Variants in RAB40B observed in about 807,000 individuals in gnomAD.
The protein encoded by RAB40B is ras-related protein Rab-40B.
Under a neutral mutation model 24.0 loss-of-function variants are expected in RAB40B, and 21 were observed. That is an observed-to-expected ratio of 0.88 (90% CI 0.62 to 1.26). RAB40B has a LOEUF of 1.26. Among genes scored for constraint, RAB40B ranks in the 50% most tolerant of loss-of-function variants. The pLI is 0.00. For missense variants in RAB40B, 348 were observed against 390.5 expected (o/e 0.89, Z 0.92); for synonymous variants, 167 against 169.8 (o/e 0.98, Z 0.13).
At chr17:82,691,801 G>A (rs955671960) in intron 1 of RAB40B, among the ~76,000 whole-genome samples, 7 of 152,198 alleles carry the variant, frequency 4.6e-5, no homozygotes, top group Non-Finnish European at 7.3e-5. Context: ...GCTGTGCCCC[G>A]ACCATATCCT....
intron 1 of RAB40B, among the ~76,000 whole-genome samples, chr17:82,691,411 C>T (rs116520398): frequency 0.013 from 1,944 of 152,210 alleles, 42 homozygotes; most frequent in African/African-American, 0.044. Context: ...AAAGGCCGGG[C>T]GCGGTGGCTC....
intron 1 of RAB40B, among the ~76,000 whole-genome samples, chr17:82,673,875 G>A (rs2046365621): frequency 6.6e-6 from 1 of 152,136 alleles, no homozygotes. Context: ...CAGATACTGG[G>A]CCTCCTGAGC....
chr17:82,680,204 C>T (rs1416570875), intron 1 of RAB40B, among the ~76,000 whole-genome samples: 1 of 152,206 alleles, frequency 6.6e-6, no homozygotes. Flanking sequence ...ACGGAGGTCT[C>T]ATGCAGCCTT....
Position 82,657,482 on chromosome 17 carries a change from C to T in RAB40B, c.*381G>A, listed in dbSNP as rs918761554. ...TAATATCAGTGACTCTAAATTATCC[C>T]GCTGCCATTGCTTCTCAAATTCCAT... is the stretch of plus-strand genomic sequence containing the variant. On this transcript the variant is annotated 3_prime_UTR_variant, in exon 6 of 6. Coordinates refer to ENST00000571995, the MANE Select transcript of RAB40B (RefSeq NM_006822.3). 37 of 357,198 alleles carry T rather than the reference C, an allele frequency of 1.0e-4. No homozygotes were observed. The highest frequency in any genetic ancestry group is 6.8e-4 in the African/African-American group (32 of 47,148). The allele number at this position is 357,198 out of a possible 1,614,324, so 22.1% of individuals were successfully genotyped here. A position where few individuals can be genotyped will look rare whatever the true frequency, so the allele number is the denominator to read the frequency against.
intron 1 of RAB40B, among the ~76,000 whole-genome samples, chr17:82,670,587 T>C (rs1598302936): frequency 6.7e-6 from 1 of 148,338 alleles, no homozygotes; most frequent in Non-Finnish European, 1.5e-5. Context: ...CAGGCTGGAG[T>C]GCAGTGGCGC....
At chr17:82,672,307 T>TACTC (rs10685757) in intron 1 of RAB40B, among the ~76,000 whole-genome samples, 51,279 of 56,894 alleles carry the variant, frequency 0.9, 23,054 homozygotes, top group Admixed American at 0.91. Context: ...ACGCTCCCTG[T>TACTC]ACTGACACAC....
chr17:82,672,460 C>T (rs530793943), intron 1 of RAB40B, among the ~76,000 whole-genome samples: 1 of 152,350 alleles, frequency 6.6e-6, no homozygotes, highest in East Asian at 1.9e-4. Context: ...TTCCATTCTA[C>T]ACTGTCATAA....
At chr17:82,685,589 A>G (rs996332400) in intron 1 of RAB40B, among the ~76,000 whole-genome samples, 2 of 152,156 alleles carry the variant, frequency 1.3e-5, no homozygotes, top group Non-Finnish European at 2.9e-5. Flanking sequence ...GCCCTAGCCA[A>G]CAGGAACCAA....
intron 1 of RAB40B, among the ~76,000 whole-genome samples, chr17:82,690,881 T>G (rs2451199): frequency 0.67 from 94,624 of 142,224 alleles, 32,615 homozygotes; most frequent in East Asian, 0.81. Context: ...GTGTGCACGT[T>G]TGCCCCGGGG....
intron 1 of RAB40B, among the ~76,000 whole-genome samples, chr17:82,670,656 T>TC (rs1195242874): frequency 6.6e-6 from 1 of 151,600 alleles, no homozygotes; most frequent in Non-Finnish European, 1.5e-5. Flanking sequence ...TGTCTCAGCC[T>TC]CCTGAGTAGC....
chr17:82,678,197 C>A (rs964424041), intron 1 of RAB40B, among the ~76,000 whole-genome samples: 31 of 152,224 alleles, frequency 2.0e-4, no homozygotes, highest in African/African-American at 6.5e-4. Flanking sequence ...CTCTGTGTTA[C>A]CTTACGTTTT....
At chr17:82,685,840 G>T in intron 1 of RAB40B, among the ~76,000 whole-genome samples, 1 of 148,070 alleles carries the variant, frequency 6.8e-6, no homozygotes, top group Non-Finnish European at 1.5e-5. Context: ...GTCTCGCCCT[G>T]TCACCCAGGC....
At chr17:82,662,765 T>C (rs898522324) in intron 2 of RAB40B, 6 of 985,002 alleles carry the variant, frequency 6.1e-6, no homozygotes, top group Non-Finnish European at 6.0e-6. Context: ...GGGAGAAAAG[T>C]GTGAGGGTGA....
Position 82,692,187 on chromosome 17 carries a change from G to A in RAB40B, c.142+6268C>T, listed in dbSNP as rs1244155536. On this transcript the variant is annotated intron_variant, in intron 1 of 5. Transcript: ENST00000571995. This position sits in a 1 kb window ranked among gnomAD's most constrained non-coding sequence, Gnocchi z 4.0. ...ACAGGCAGAGCAGTGGGGCCCGCAC[G>A]GTCCGTGGGCTGAGGTGACAGGCAG... is the stretch of plus-strand genomic sequence containing the variant. Among the ~76,000 whole-genome samples the A allele has an allele frequency of 3.3e-4, 30 of 92,044 alleles. No homozygotes were observed. Among genetic ancestry groups the A allele is most frequent in the Non-Finnish European group, 4.5e-4 (21 of 46,164 alleles). 60.4% of individuals were successfully genotyped at this position (92,044 alleles called of 152,430 possible). A position where few individuals can be genotyped will look rare whatever the true frequency, so the allele number is the denominator to read the frequency against.
rs11870880 is a variant in RAB40B at position 82,697,086 on chromosome 17, C to A, written c.142+1369G>T. The stretch of plus-strand genomic sequence containing the variant: ...ACCCACCAGCTGCCAGAGACTCCCC[C>A]GCATGCTGCAGTTTCAGGAGGCCTC... On this transcript the variant is annotated intron_variant, in intron 1 of 5. Transcript: ENST00000571995. The surrounding 1 kb of genome is among the most constrained non-coding windows in gnomAD (Gnocchi z 4.9). Among the ~76,000 whole-genome samples, 1 of 152,056 alleles carries A rather than the reference C, an allele frequency of 6.6e-6. No individual in the cohort carries two copies. The highest frequency in any genetic ancestry group is 1.5e-5 in the Non-Finnish European group (1 of 67,988).
rs1225343690 is a variant in RAB40B, at chr17:82,656,284, A to G, written c.*1579T>C. ...TTCTAAGAATCTACAGATCATCAGC[A>G]GGAACTAGGAACATCTGGGTATTTT... On this transcript the variant is annotated 3_prime_UTR_variant, in exon 6 of 6. Transcript: ENST00000571995. The G allele has an allele frequency of 6.6e-6, 1 of 152,142 alleles. No individual in the cohort carries two copies. Among genetic ancestry groups the G allele is most frequent in the Non-Finnish European group, 1.5e-5 (1 of 68,040 alleles). 9.4% of individuals were successfully genotyped at this position (152,142 alleles called of 1,614,324 possible).
intron 1 of RAB40B, among the ~76,000 whole-genome samples, chr17:82,672,632 G>A (rs966387603): frequency 2.6e-5 from 4 of 152,238 alleles, no homozygotes; most frequent in African/African-American, 7.2e-5. Flanking sequence ...TACAAGGAGA[G>A]GAAGACACCT....
At chr17:82,691,123 A>C (rs1464766589) in intron 1 of RAB40B, among the ~76,000 whole-genome samples, 1 of 152,080 alleles carries the variant, frequency 6.6e-6, no homozygotes, top group Non-Finnish European at 1.5e-5. Flanking sequence ...GTCTTGAGGG[A>C]GTGGCTCAGC....
In RAB40B at chr17:82,657,848, C is replaced by T. The variant is rs2046102818; in HGVS notation, c.*15G>A. On this transcript the variant is annotated 3_prime_UTR_variant, in exon 6 of 6. Transcript: ENST00000571995. ...CTCCTGGAGAGATTCCGCCGTGTTTCTTTCAGTGCCTTCCTTAAGAAATTT... is the reference window on the plus strand; with the variant it reads ...CTCCTGGAGAGATTCCGCCGTGTTTTTTTCAGTGCCTTCCTTAAGAAATTT... 1 of 1,603,370 alleles carries T rather than the reference C, an allele frequency of 6.2e-7. No individual in the cohort carries two copies. Among genetic ancestry groups the T allele is most frequent in the African/African-American group, 1.4e-5 (1 of 71,208 alleles).
Sources: allele counts gnomAD v4.1 joint callset (sites outside exome capture counted in the v4.1 genomes callset), GRCh38; gene constraint gnomAD v4.1.1; non-coding constraint Gnocchi (gnomAD v3.1); transcripts MANE v1.5; gene names NCBI Gene and HGNC (gene_info 2026-07-23, HGNC 2026-07-21).